Variants in RNF228 observed in about 807,000 individuals in gnomAD.
RNF228 encodes ring finger protein 228.
chr2:222,315,990 A>G, the RNF228 span, among the ~76,000 whole-genome samples: 2 of 152,102 alleles, frequency 1.3e-5, no homozygotes, highest in Admixed American at 6.5e-5. Context: ...TAGTGACTCT[A>G]CTGGTAGTAG....
the RNF228 span, chr2:222,317,588 C>G: frequency 6.6e-6 from 1 of 152,112 alleles, no homozygotes; most frequent in Non-Finnish European, 1.5e-5. Flanking sequence ...AAAAAGGCAT[C>G]TAACCCACTT....
the RNF228 span, chr2:222,317,763 C>T: frequency 6.6e-6 from 1 of 152,154 alleles, no homozygotes; most frequent in Admixed American, 6.5e-5. Flanking sequence ...CGATATATAT[C>T]TTTTGTAGCC....
At chr2:222,315,618 A>G in the RNF228 span, among the ~76,000 whole-genome samples, 1 of 151,892 alleles carries the variant, frequency 6.6e-6, no homozygotes, top group Non-Finnish European at 1.5e-5. Context: ...GGGCGCTGAT[A>G]CTCCCCACCC....
the RNF228 span, among the ~76,000 whole-genome samples, chr2:222,314,290 C>T: frequency 6.6e-6 from 1 of 152,096 alleles, no homozygotes; most frequent in African/African-American, 2.4e-5. Flanking sequence ...TGAAACAATG[C>T]CAATATATAT....
At chr2:222,318,771 A>ACCCCCCCCCCCCCCCCC in the RNF228 span, 1 of 102,348 alleles carries the variant, frequency 9.8e-6, no homozygotes, top group Non-Finnish European at 2.0e-5. Context: ...GGCAAAAGAG[A>ACCCCCCCCCCCCCCCCC]CCCCCCCCCC....
chr2:222,317,648 T>G, the RNF228 span: 1 of 152,216 alleles, frequency 6.6e-6, no homozygotes, highest in African/African-American at 2.4e-5. Flanking sequence ...CAGATAGATA[T>G]ATATTCTTTT....
chr2:222,315,025 T>C, the RNF228 span, among the ~76,000 whole-genome samples: 1 of 152,124 alleles, frequency 6.6e-6, no homozygotes, highest in South Asian at 2.1e-4. Context: ...ACAGTAAGAG[T>C]TCCACTGTTA....
the RNF228 span, among the ~76,000 whole-genome samples, chr2:222,316,830 G>A: frequency 1.3e-5 from 2 of 152,304 alleles, no homozygotes; most frequent in South Asian, 4.1e-4. Flanking sequence ...TGAATAAGAG[G>A]TAAAAATGGA....
chr2:222,319,672 C>T, the RNF228 span, among the ~76,000 whole-genome samples: 3 of 143,680 alleles, frequency 2.1e-5, no homozygotes, highest in Non-Finnish European at 3.1e-5. The surrounding 1 kb of genome is among the most constrained non-coding windows in gnomAD (Gnocchi z 7.6). Context: ...ACGCGGCTGT[C>T]GGGCAGCGGC....
the RNF228 span, among the ~76,000 whole-genome samples, chr2:222,316,410 A>T: frequency 6.6e-6 from 1 of 152,234 alleles, no homozygotes; most frequent in African/African-American, 2.4e-5. Flanking sequence ...CTCAAATTTC[A>T]ATTACATGAA....
At chr2:222,315,203 T>C in the RNF228 span, among the ~76,000 whole-genome samples, 1 of 152,126 alleles carries the variant, frequency 6.6e-6, no homozygotes, top group South Asian at 2.1e-4. Context: ...TTAAGATTAA[T>C]TCCAGAGTGT....
chr2:222,317,574 A>T, the RNF228 span: 11 of 150,322 alleles, frequency 7.3e-5, no homozygotes, highest in African/African-American at 2.2e-4. Context: ...TTTCCTTCTT[A>T]AAAAAAAAGG....
At chr2:222,314,249 T>G in the RNF228 span, among the ~76,000 whole-genome samples, 1 of 152,184 alleles carries the variant, frequency 6.6e-6, no homozygotes, top group South Asian at 2.1e-4. Context: ...CGCTTAAGAG[T>G]ACAGAAGGCT....
chr2:222,315,057 C>A, the RNF228 span, among the ~76,000 whole-genome samples: 3 of 150,324 alleles, frequency 2.0e-5, no homozygotes, highest in African/African-American at 7.3e-5. Context: ...TTTCTCAAAA[C>A]TCAAAGTGCT....
the RNF228 span, among the ~76,000 whole-genome samples, chr2:222,315,591 C>G: frequency 6.6e-6 from 1 of 152,010 alleles, no homozygotes; most frequent in East Asian, 1.9e-4. Flanking sequence ...ATCTTCACAC[C>G]AACTCCATGA....
At chr2:222,320,071 G>A in the RNF228 span, among the ~76,000 whole-genome samples, 1 of 152,134 alleles carries the variant, frequency 6.6e-6, no homozygotes, top group Non-Finnish European at 1.5e-5. Context: ...GCCATGGCAT[G>A]ATCCGCCCCT....
At chr2:222,318,531 T>C in the RNF228 span, 1 of 152,194 alleles carries the variant, frequency 6.6e-6, no homozygotes, top group Non-Finnish European at 1.5e-5. Flanking sequence ...CTCCGGGCAA[T>C]TCAAGTCCAT....
At chr2:222,315,682 C>T in the RNF228 span, among the ~76,000 whole-genome samples, 3 of 152,170 alleles carry the variant, frequency 2.0e-5, no homozygotes, top group Admixed American at 6.5e-5. Flanking sequence ...TGATTTTTAA[C>T]GGTCTTTCCG....
chr2:222,315,409 A>T, the RNF228 span, among the ~76,000 whole-genome samples: 1 of 152,222 alleles, frequency 6.6e-6, no homozygotes, highest in Admixed American at 6.5e-5. Context: ...ATACAAAGTA[A>T]ATCTCATTAA....
Sources: gnomAD v4.1 joint callset for allele counts (sites outside exome capture counted in the v4.1 genomes callset) on GRCh38, gnomAD v4.1.1 for gene constraint, Gnocchi (gnomAD v3.1) non-coding constraint, MANE v1.5 for transcripts, NCBI Gene and HGNC (gene_info 2026-07-23, HGNC 2026-07-21) for gene names.